KLF12: variants seen among roughly 807,000 people sequenced by gnomAD.
KLF12 encodes the protein Krueppel-like factor 12.
A neutral mutation model predicts 37.8 loss-of-function variants in KLF12; 9 were observed. The observed-to-expected ratio is 0.24, with a 90% CI of 0.14 to 0.42. KLF12 has a LOEUF of 0.42. Ranked by LOEUF, KLF12 falls within the 10% of genes least tolerant of loss-of-function variation. The probability of loss-of-function intolerance (pLI) is 1.00; values close to 1 mark genes in which losing one functional copy is unlikely to be tolerated. For missense variants in KLF12, 411 were observed against 516.0 expected (o/e 0.80, Z 1.97); for synonymous variants, 208 against 202.1 (o/e 1.03, Z -0.25).
intron 1 of KLF12, among the ~76,000 whole-genome samples, chr13:74,110,020 G>C (rs557401095): frequency 2.6e-5 from 4 of 152,162 alleles, no homozygotes; most frequent in Non-Finnish European, 5.9e-5. Flanking sequence ...GGGACTAAGA[G>C]AGGATAGTAA....
At chr13:74,149,791 T>C in the KLF12 span, among the ~76,000 whole-genome samples, 1 of 152,252 alleles carries the variant, frequency 6.6e-6, no homozygotes, top group South Asian at 2.1e-4. Context: ...CAATCCCATC[T>C]CCCAGGTTTC....
intron 1 of KLF12, among the ~76,000 whole-genome samples, chr13:74,014,825 ATG>A (rs1892646439): frequency 6.6e-6 from 1 of 152,184 alleles, no homozygotes; most frequent in South Asian, 2.1e-4. Context: ...GCAAATTTGA[ATG>A]TGTTTTTCCT....
chr13:74,184,290 A>T, the KLF12 span, among the ~76,000 whole-genome samples: 1 of 152,256 alleles, frequency 6.6e-6, no homozygotes, highest in Non-Finnish European at 1.5e-5. Context: ...ATATCATTTC[A>T]GAAGATAATT....
At chr13:73,975,469 TGTCTACAGCCAA>T (rs1335834054) in intron 2 of KLF12, among the ~76,000 whole-genome samples, 1 of 152,196 alleles carries the variant, frequency 6.6e-6, no homozygotes, top group Non-Finnish European at 1.5e-5. Context: ...TTTTTTTCCA[TGTCTACAGCCAA>T]GCTTAGGCAC....
intron 4 of KLF12, among the ~76,000 whole-genome samples, chr13:73,844,322 T>G (rs1475092469): frequency 2.0e-5 from 3 of 152,190 alleles, no homozygotes; most frequent in Admixed American, 6.5e-5. Context: ...TCTGATTTGT[T>G]CAGTTCAATC....
intron 4 of KLF12, among the ~76,000 whole-genome samples, chr13:73,835,713 C>T (rs773454133): frequency 5.9e-5 from 9 of 152,072 alleles, no homozygotes; most frequent in Non-Finnish European, 1.2e-4. Flanking sequence ...ATACACACCC[C>T]CTGCCCGCAG....
At chr13:73,795,191 C>T (rs2138296585) in intron 5 of KLF12, among the ~76,000 whole-genome samples, 1 of 152,336 alleles carries the variant, frequency 6.6e-6, no homozygotes, top group South Asian at 2.1e-4. Flanking sequence ...TCCACGCAGA[C>T]CTTCCACACT....
chr13:74,165,917 T>C, the KLF12 span, among the ~76,000 whole-genome samples: 1 of 152,086 alleles, frequency 6.6e-6, no homozygotes, highest in Non-Finnish European at 1.5e-5. Context: ...AAAATCTAGT[T>C]TCTGTTTGCA....
rs149768615 is a variant in KLF12, at chr13:74,048,434, T to TC, written c.-31-53382dup. On this transcript the variant is annotated intron_variant, in intron 1 of 7. Coordinates refer to ENST00000377669, the MANE Select transcript of KLF12 (RefSeq NM_007249.5). ...GTTCTCTCAAGGACTGTTTTTTTTT[T>TC]CCCAAAATGAGAACTTTTAGGCATT... 8.3e-3 allele frequency among the ~76,000 whole-genome samples: 1,261 copies of TC among 152,194 alleles called. 19 individuals are homozygous for TC. The highest frequency in any genetic ancestry group is 0.057 in the East Asian group (293 of 5,184).
intron 1 of KLF12, among the ~76,000 whole-genome samples, chr13:74,086,322 T>C (rs1292903755): frequency 7.4e-6 from 1 of 135,570 alleles, no homozygotes; most frequent in East Asian, 2.3e-4. Flanking sequence ...CCTGTGTCCA[T>C]GTGTTCTCAT....
At chr13:73,916,178 A>C (rs552051507) in intron 3 of KLF12, among the ~76,000 whole-genome samples, 2 of 151,846 alleles carry the variant, frequency 1.3e-5, no homozygotes, top group Non-Finnish European at 2.9e-5. Context: ...GCAAATAAAC[A>C]GTACTCCAAC....
At chr13:73,779,462 C>CT (rs1880827704) in intron 5 of KLF12, among the ~76,000 whole-genome samples, 1 of 152,190 alleles carries the variant, frequency 6.6e-6, no homozygotes. Context: ...CATCCATGTG[C>CT]TGGGAGGATG....
chr13:73,929,898 A>C (rs934162148), intron 3 of KLF12, among the ~76,000 whole-genome samples: 7 of 152,322 alleles, frequency 4.6e-5, no homozygotes, highest in African/African-American at 1.4e-4. Flanking sequence ...AATGCAGATG[A>C]AAAAATAAAG....
At chr13:73,829,398 A>C (rs1173340112) in intron 4 of KLF12, among the ~76,000 whole-genome samples, 2 of 152,168 alleles carry the variant, frequency 1.3e-5, no homozygotes, top group Non-Finnish European at 2.9e-5. Flanking sequence ...AATAATAAGG[A>C]TATTTTTCTC....
In KLF12 at chr13:74,036,659, A is replaced by C. The variant is rs979684482; in HGVS notation, c.-31-41606T>G. ...CTGCCCTAACAGACATTCACTTTGC[A>C]TATCCCTGTGGTGGGACAGGAGGCA... is the stretch of plus-strand genomic sequence containing the variant. On this transcript the variant is annotated intron_variant, in intron 1 of 7. Coordinates refer to ENST00000377669, the MANE Select transcript of KLF12 (RefSeq NM_007249.5). 4.6e-5 allele frequency among the ~76,000 whole-genome samples: 7 copies of C among 152,202 alleles called. 1 individual carries two copies. Among genetic ancestry groups the C allele is most frequent in the African/African-American group, 1.7e-4 (7 of 41,444 alleles).
chr13:73,752,629 T>C (rs1000109029), intron 6 of KLF12, among the ~76,000 whole-genome samples: 2 of 152,032 alleles, frequency 1.3e-5, no homozygotes, highest in African/African-American at 4.8e-5. Flanking sequence ...CATCCACTTC[T>C]CTCCTTCTGT....
At chr13:73,938,852 A>G (rs1033227584) in intron 3 of KLF12, among the ~76,000 whole-genome samples, 4 of 152,152 alleles carry the variant, frequency 2.6e-5, no homozygotes, top group African/African-American at 9.7e-5. Flanking sequence ...TAGTTAAGGC[A>G]TGGAGTATTG....
At chr13:73,821,826 A>G (rs1883542411) in intron 4 of KLF12, among the ~76,000 whole-genome samples, 1 of 152,044 alleles carries the variant, frequency 6.6e-6, no homozygotes, top group African/African-American at 2.4e-5. Flanking sequence ...TGCCACCACA[A>G]TCTACCCTTC....
the KLF12 span, among the ~76,000 whole-genome samples, chr13:74,141,417 A>C: frequency 6.6e-6 from 1 of 152,228 alleles, no homozygotes; most frequent in East Asian, 1.9e-4. Context: ...AAATAAAATA[A>C]AATGAAAATA....
Sources: allele counts gnomAD v4.1 joint callset (sites outside exome capture counted in the v4.1 genomes callset), GRCh38; gene constraint gnomAD v4.1.1; transcripts MANE v1.5; gene names NCBI Gene and HGNC (gene_info 2026-07-23, HGNC 2026-07-21).